Variants in SCN10A observed in about 807,000 individuals in gnomAD.
The protein encoded by SCN10A is sodium channel protein type 10 subunit alpha.
SCN10A carries 162 observed loss-of-function variants against 170.7 expected under a neutral mutation model. The observed-to-expected ratio is 0.95, with a 90% CI of 0.84 to 1.08. The LOEUF is 1.08. SCN10A is among the 50% of genes least tolerant of loss of function. SCN10A has a pLI of 0.00. For missense variants in SCN10A, 2,527 were observed against 2,436.9 expected (o/e 1.04, Z -0.78); for synonymous variants, 985 against 904.6 (o/e 1.09, Z -1.59).
chr3:38,729,718 A>G (rs1269222578), intron 15 of SCN10A, among the ~76,000 whole-genome samples: 8 of 152,234 alleles, frequency 5.3e-5, no homozygotes, highest in African/African-American at 1.7e-4. Context: ...CTAATTTGTC[A>G]GGAAAAAAAA....
chr3:38,734,258 G>A (rs1005822180), intron 15 of SCN10A, among the ~76,000 whole-genome samples: 1 of 152,136 alleles, frequency 6.6e-6, no homozygotes, highest in Admixed American at 6.5e-5. Flanking sequence ...CTGTCCTCAA[G>A]CAATCCTCCC....
chr3:38,779,775 C>A (rs1273140129), intron 4 of SCN10A, among the ~76,000 whole-genome samples: 1 of 151,730 alleles, frequency 6.6e-6, no homozygotes, highest in East Asian at 1.9e-4. Flanking sequence ...TCCAAGAATT[C>A]TTTAAGAGAG....
In SCN10A at chr3:38,760,676, C is replaced by T. The variant is rs1234310877; in HGVS notation, c.950+5G>A. 15 of 1,612,698 alleles carry T rather than the reference C, an allele frequency of 9.3e-6. No homozygotes were observed. Among genetic ancestry groups the T allele is most frequent in the Non-Finnish European group, 1.2e-5 (14 of 1,178,690 alleles). On this transcript the variant is annotated splice_donor_5th_base_variant and intron_variant, in intron 8 of 27. Coordinates refer to ENST00000449082, the MANE Select transcript of SCN10A (RefSeq NM_006514.4). ...CTCGTGCTTTGTCATAAGTTGGGAA[C>T]TCACCCTGAGTCAGATCCATTGCCA...
intron 13 of SCN10A, among the ~76,000 whole-genome samples, chr3:38,748,513 AGGGCTCAAACCT>A (rs1418675395): frequency 1.3e-5 from 2 of 152,210 alleles, no homozygotes; most frequent in Non-Finnish European, 2.9e-5. Context: ...TGAGTTTTGT[AGGGCTCAAACCT>A]GGAGGAGAGT....
At chr3:38,777,872 G>T (rs964800583) in intron 4 of SCN10A, among the ~76,000 whole-genome samples, 4 of 152,056 alleles carry the variant, frequency 2.6e-5, no homozygotes, top group African/African-American at 9.7e-5. Context: ...AATATTGGAA[G>T]CCTATCTCAT....
intron 26 of SCN10A, among the ~76,000 whole-genome samples, chr3:38,704,156 G>A (rs2063185372): frequency 6.6e-6 from 1 of 152,140 alleles, no homozygotes; most frequent in Admixed American, 6.5e-5. Context: ...GCAAGCAGAG[G>A]GGGAAGTGCT....
At chr3:38,801,688 C>A (rs1305409216) in intron 1 of SCN10A, among the ~76,000 whole-genome samples, 2 of 152,156 alleles carry the variant, frequency 1.3e-5, no homozygotes, top group South Asian at 2.1e-4. Context: ...CAATAGAGGT[C>A]TTTCCCTACT....
chr3:38,716,514 T>C (rs990797720), intron 21 of SCN10A, among the ~76,000 whole-genome samples: 2 of 152,208 alleles, frequency 1.3e-5, no homozygotes, highest in African/African-American at 4.8e-5. Flanking sequence ...TCCCCAGCCA[T>C]GTGAAGCTGT....
intron 20 of SCN10A, among the ~76,000 whole-genome samples, chr3:38,719,740 G>GA (rs1291636925): frequency 1.3e-5 from 2 of 152,188 alleles, no homozygotes; most frequent in Non-Finnish European, 2.9e-5. Flanking sequence ...AGTCCTGTGT[G>GA]AAGCCAAATT....
At chr3:38,717,608 C>A (rs1322462015) in intron 21 of SCN10A, among the ~76,000 whole-genome samples, 2 of 152,216 alleles carry the variant, frequency 1.3e-5, no homozygotes, top group Non-Finnish European at 2.9e-5. Flanking sequence ...AATGCACAGG[C>A]CTGCTATGGA....
intron 12 of SCN10A, 135 bp from the exon 13 acceptor site, chr3:38,750,319 A>T (rs2063735065): frequency 3.4e-6 from 2 of 584,970 alleles, no homozygotes; most frequent in Non-Finnish European, 6.1e-6. Flanking sequence ...TGTTCTGACA[A>T]ATACATCATT....
In SCN10A at chr3:38,787,232, C is replaced by G. The variant is rs145337110; in HGVS notation, c.470+1724G>C. 7.0e-4 allele frequency among the ~76,000 whole-genome samples: 107 copies of G among 152,178 alleles called. No homozygotes were observed. The East Asian group carries it at 0.019, about 27-fold the overall frequency. On this transcript the variant is annotated intron_variant, in intron 4 of 27. Coordinates refer to ENST00000449082, the MANE Select transcript of SCN10A (RefSeq NM_006514.4). The stretch of plus-strand genomic sequence containing the variant: ...TTATTATAATTTTCCTTATAGAGAT[C>G]TCACTTATACTTTGATAATCTTATT...
chr3:38,787,842 C>T (rs2064226610), intron 4 of SCN10A, among the ~76,000 whole-genome samples: 1 of 148,450 alleles, frequency 6.7e-6, no homozygotes, highest in Admixed American at 6.8e-5. Context: ...CCTCAACAGG[C>T]CCCAGTGTGT....
In SCN10A at chr3:38,726,897, G is replaced by A. The variant is rs2126001483; in HGVS notation, c.2796C>T (p.Phe932=). The change falls in exon 17 of 28, where the codon TTC becomes TTT. Residue 932 remains phenylalanine, a synonymous_variant. Coordinates refer to ENST00000449082, the MANE Select transcript of SCN10A (RefSeq NM_006514.4). The part of the protein sequence containing the change: ...HRTKQALCSF[F]SRSCPFPQPK... Reference sequence around the variant, plus strand: ...GCTGGGGGAATGGGCAGGACCTGCTGAAGAAGCTGCAAAGAGCCTGTTTGG... The same window carrying A: ...GCTGGGGGAATGGGCAGGACCTGCTAAAGAAGCTGCAAAGAGCCTGTTTGG... The A allele has an allele frequency of 3.1e-6, 5 of 1,614,228 alleles. No individual in the cohort carries two copies. The highest frequency in any genetic ancestry group is 3.4e-6 in the Non-Finnish European group (4 of 1,180,038).
At position 38,726,677 on chromosome 3, in the gene SCN10A, G is replaced by A. The variant is rs963394464; in HGVS notation, c.3016C>T (p.Leu1006Phe). Residue 1006 changes from leucine (L) to phenylalanine (F), a missense_variant, in exon 17 of 28, where the codon CTT (leucine) becomes TTT (phenylalanine). Leu to Phe is a conservative substitution (Grantham distance 22, BLOSUM62 0). Coordinates refer to ENST00000449082, the MANE Select transcript of SCN10A (RefSeq NM_006514.4). ...CCACCATCATCCTCCAAGTCATCAA[G>A]ATCAGATTCACCCTCAGCAATGGGC... is the stretch of plus-strand genomic sequence containing the variant. ...SVPIAEGESDLDDLEDDGGED... is the reference protein window; with the variant it reads ...SVPIAEGESDFDDLEDDGGED... 6.2e-7 allele frequency: 1 copy of A among 1,610,676 alleles called. No homozygotes were observed. The highest frequency in any genetic ancestry group is 2.2e-5 in the East Asian group (1 of 44,738).
In SCN10A at chr3:38,710,865, A is replaced by G. The variant is rs2063265914; in HGVS notation, c.4122T>C (p.Tyr1374=). The G allele has an allele frequency of 1.2e-6, 2 of 1,613,858 alleles. No homozygotes were observed. The highest frequency in any genetic ancestry group is 2.2e-5 in the South Asian group (2 of 90,992). ...ATFKGWMDIM[Y]AAVDSREVNM... ...TCACCTCCCGGGAATCAACAGCTGCATACATAATGTCCATCCAGCCTTTAA... is the reference window on the plus strand; with the variant it reads ...TCACCTCCCGGGAATCAACAGCTGCGTACATAATGTCCATCCAGCCTTTAA... Residue 1374 remains tyrosine, a synonymous_variant, in exon 24 of 28, where the codon TAT becomes TAC. Coordinates refer to ENST00000449082, the MANE Select transcript of SCN10A (RefSeq NM_006514.4).
chr3:38,697,997 A>G lies in SCN10A; in HGVS notation c.5223T>C (p.Phe1741=). The G allele has an allele frequency of 6.2e-7, 1 of 1,614,172 alleles. No homozygotes were observed. Among genetic ancestry groups the G allele is most frequent in the Middle Eastern group, 1.6e-4 (1 of 6,062 alleles). The change falls in exon 28 of 28, where the codon TTT becomes TTC. Residue 1741 remains phenylalanine (F), a synonymous_variant. Transcript: ENST00000449082. ...ESTEPLSEDD[F]DMFYETWEKF... is the part of the protein sequence containing the mutation. ...TCTCCCAGGTCTCATAGAACATGTC[A>G]AAGTCGTCCTCACTCAGGGGCTCAG...
intron 4 of SCN10A, among the ~76,000 whole-genome samples, chr3:38,788,282 T>C (rs1467676792): frequency 6.6e-6 from 1 of 150,732 alleles, no homozygotes; most frequent in South Asian, 2.1e-4. Flanking sequence ...AAAGGTATGT[T>C]AGGTTCAAGC....
chr3:38,785,572 G>A (rs368784330), intron 4 of SCN10A, among the ~76,000 whole-genome samples: 3 of 152,246 alleles, frequency 2.0e-5, no homozygotes, highest in African/African-American at 4.8e-5. Context: ...ATAGGCATGG[G>A]CAAAGGCTTT....
Sources: allele counts gnomAD v4.1 joint callset (sites outside exome capture counted in the v4.1 genomes callset), GRCh38; gene constraint gnomAD v4.1.1; transcripts MANE v1.5; gene names NCBI Gene and HGNC (gene_info 2026-07-23, HGNC 2026-07-21).